RGSL1: variants seen among roughly 807,000 people sequenced by gnomAD.
The protein encoded by RGSL1 is regulator of G protein signaling protein-like.
Under a neutral mutation model 124.7 loss-of-function variants are expected in RGSL1, and 97 were observed. That is an observed-to-expected ratio of 0.78 (90% CI 0.66 to 0.92). RGSL1 has a LOEUF of 0.92. Ranked by LOEUF, RGSL1 falls within the 40% of genes least tolerant of loss-of-function variation. The pLI, the probability that RGSL1 is intolerant of heterozygous loss-of-function variation, is 0.00. For missense variants in RGSL1, 1,233 were observed against 1,288.4 expected (o/e 0.96, Z 0.66); for synonymous variants, 424 against 438.1 (o/e 0.97, Z 0.40).
intron 4 of RGSL1, chr1:182,460,796 A>G (rs944494946): frequency 2.7e-5 from 12 of 447,498 alleles, no homozygotes; most frequent in Non-Finnish European, 4.9e-5. Flanking sequence ...GAAACTTGCA[A>G]TGTTTGGGGG....
chr1:182,539,164 A>C (rs1659733209), intron 14 of RGSL1, among the ~76,000 whole-genome samples: 1 of 152,146 alleles, frequency 6.6e-6, no homozygotes, highest in Non-Finnish European at 1.5e-5. Context: ...CCCCTCTACC[A>C]CCAGAGCCAG....
chr1:182,557,704 C>A (rs501085), intron 21 of RGSL1, among the ~76,000 whole-genome samples: 72,354 of 152,014 alleles, frequency 0.48, 17,645 homozygotes, highest in Non-Finnish European at 0.52. Flanking sequence ...GGTATGCAAA[C>A]ACACAAACAT....
At chr1:182,456,366 A>G (rs1652324341) in intron 2 of RGSL1, among the ~76,000 whole-genome samples, 1 of 150,412 alleles carries the variant, frequency 6.6e-6, no homozygotes, top group Non-Finnish European at 1.5e-5. Flanking sequence ...GCACAATCTC[A>G]TCTCACTGCA....
intron 10 of RGSL1, among the ~76,000 whole-genome samples, chr1:182,526,688 A>G (rs1325349899): frequency 6.6e-6 from 1 of 152,186 alleles, no homozygotes; most frequent in Non-Finnish European, 1.5e-5. Context: ...CAAGGAATGC[A>G]AAAACCAGTT....
chr1:182,540,940 C>G (rs1226838898), intron 15 of RGSL1, among the ~76,000 whole-genome samples: 1 of 151,822 alleles, frequency 6.6e-6, no homozygotes, highest in Non-Finnish European at 1.5e-5. Flanking sequence ...TAGACTATAC[C>G]CCAAAAGCTG....
intron 2 of RGSL1, among the ~76,000 whole-genome samples, 190 bp from the exon 3 acceptor site, chr1:182,458,129 A>G (rs1369803790): frequency 2.0e-5 from 3 of 152,338 alleles, no homozygotes; most frequent in African/African-American, 7.2e-5. Flanking sequence ...GAATCGTGCA[A>G]TTCAGTCTGT....
At position 182,532,732 on chromosome 1, in the gene RGSL1, C is replaced by T; in HGVS notation, c.2435C>T (p.Pro812Leu). 6.4e-7 allele frequency: 1 copy of T among 1,550,944 alleles called. No homozygotes were observed. Among genetic ancestry groups the T allele is most frequent in the Non-Finnish European group, 8.7e-7 (1 of 1,146,488 alleles). ...FCKYRRFMLN[P>L]SKRQEFEDYL... ...AAGTACCGCAGATTTATGTTGAATC[C>T]TAGTAAGCGCCAGGAATTTGAAGAC... The change falls in exon 14 of 22, where the codon CCT (proline) becomes CTT (leucine). Residue 812 changes from proline to leucine, a missense_variant. Transcript: ENST00000294854.
intron 15 of RGSL1, among the ~76,000 whole-genome samples, chr1:182,541,231 G>C (rs1351159764): frequency 6.6e-6 from 1 of 152,006 alleles, no homozygotes; most frequent in Non-Finnish European, 1.5e-5. Context: ...TGATCAAACT[G>C]TCTTCATCAC....
At position 182,519,425 on chromosome 1, in the gene RGSL1, A is replaced by G. The variant is rs191928543; in HGVS notation, c.1826-2579A>G. 1.9e-3 allele frequency among the ~76,000 whole-genome samples: 286 copies of G among 152,246 alleles called. 3 individuals carry two copies. Among genetic ancestry groups the G allele is most frequent in the African/African-American group, 6.3e-3 (263 of 41,564 alleles). ...TATCCCATTGTCTGTTGGCTTCCTT[A>G]GTTCAATTTGAGGAGTCACCTGTCA... On this transcript the variant is annotated intron_variant, in intron 9 of 21. Coordinates refer to ENST00000294854, the MANE Select transcript of RGSL1 (RefSeq NM_001137669.2).
intron 18 of RGSL1, among the ~76,000 whole-genome samples, chr1:182,552,797 G>A (rs553369591): frequency 3.3e-5 from 5 of 152,340 alleles, no homozygotes; most frequent in African/African-American, 9.6e-5. Context: ...GCAAGAGAGT[G>A]TGAGAGAGAA....
At chr1:182,471,128 A>G (rs1433818884) in intron 4 of RGSL1, among the ~76,000 whole-genome samples, 1 of 152,146 alleles carries the variant, frequency 6.6e-6, no homozygotes, top group African/African-American at 2.4e-5. Context: ...GCCCAGCTTC[A>G]AAAGCACCAC....
intron 9 of RGSL1, among the ~76,000 whole-genome samples, chr1:182,496,230 C>T (rs761273328): frequency 4.6e-5 from 7 of 152,096 alleles, no homozygotes; most frequent in Admixed American, 2.6e-4. Context: ...TGAGAACTCA[C>T]TCATGATGGT....
At chr1:182,472,630 T>C (rs1653941634) in intron 5 of RGSL1, 73 bp downstream of exon 5, 1 of 1,407,726 alleles carries the variant, frequency 7.1e-7, no homozygotes, top group Non-Finnish European at 9.5e-7. Flanking sequence ...ATCCTCAGTC[T>C]CCTTCTTTGC....
chr1:182,547,249 G>A (rs953926625), intron 15 of RGSL1, among the ~76,000 whole-genome samples: 1 of 152,222 alleles, frequency 6.6e-6, no homozygotes, highest in Non-Finnish European at 1.5e-5. Context: ...GGTGCTATGG[G>A]AGAATCAGGC....
chr1:182,460,204 A>G (rs1041877751), intron 4 of RGSL1, 71 bp downstream of exon 4: 5 of 1,472,806 alleles, frequency 3.4e-6, no homozygotes, highest in African/African-American at 2.9e-5. Context: ...AGGAAGTCAC[A>G]CTTCATAATA....
chr1:182,493,107 C>T lies in RGSL1; in HGVS notation c.1803C>T (p.Tyr601=). Residue 601 remains tyrosine (Y), a synonymous_variant, in exon 9 of 22, where the codon TAC becomes TAT. Coordinates refer to ENST00000294854, the MANE Select transcript of RGSL1 (RefSeq NM_001137669.2). ...AGATCAGTGATGACTACAAAATATACTGTGAGAAAGCACCTAAAATAGGCA... is the reference window on the plus strand; with the variant it reads ...AGATCAGTGATGACTACAAAATATATTGTGAGAAAGCACCTAAAATAGGCA... The part of the protein sequence containing the change: ...IQKISDDYKI[Y]CEKAPKIDFK... 1 of 1,550,876 alleles carries T rather than the reference C, an allele frequency of 6.4e-7. No homozygotes were observed. The highest frequency in any genetic ancestry group is 8.7e-7 in the Non-Finnish European group (1 of 1,146,324).
intron 9 of RGSL1, among the ~76,000 whole-genome samples, chr1:182,494,779 G>A (rs770363400): frequency 1.3e-4 from 20 of 152,116 alleles, no homozygotes; most frequent in Non-Finnish European, 1.2e-4. Flanking sequence ...TAGCATTCTG[G>A]TAGCTTCAAG....
intron 6 of RGSL1, among the ~76,000 whole-genome samples, chr1:182,481,508 A>G (rs1264480130): frequency 6.6e-6 from 1 of 152,200 alleles, no homozygotes; most frequent in African/African-American, 2.4e-5. Flanking sequence ...AATTCCATCA[A>G]ATATTTTAAT....
rs150453811 is a variant in RGSL1, at chr1:182,516,795, A to G, written c.1826-5209A>G. ...CAGTTATCTTAATTTACGTATTACTAATGTTTTAACAGTTTCTGTAGCTGT... is the reference window on the plus strand; with the variant it reads ...CAGTTATCTTAATTTACGTATTACTGATGTTTTAACAGTTTCTGTAGCTGT... On this transcript the variant is annotated intron_variant, in intron 9 of 21. Coordinates refer to ENST00000294854, the MANE Select transcript of RGSL1 (RefSeq NM_001137669.2). Among the ~76,000 whole-genome samples, 469 of 152,232 alleles carry G rather than the reference A, an allele frequency of 3.1e-3. 1 individual carries two copies. Among genetic ancestry groups the G allele is most frequent in the Admixed American group, 6.4e-3 (98 of 15,294 alleles).
Sources: allele counts gnomAD v4.1 joint callset (sites outside exome capture counted in the v4.1 genomes callset), GRCh38; gene constraint gnomAD v4.1.1; transcripts MANE v1.5; gene names NCBI Gene and HGNC (gene_info 2026-07-23, HGNC 2026-07-21).